The following AP1AR variants were observed in gnomAD, a reference collection of about 807,000 sequenced individuals.
The protein encoded by AP1AR is AP-1 complex-associated regulatory protein.
Under a neutral mutation model 46.3 loss-of-function variants are expected in AP1AR, and 29 were observed. The ratio of observed to expected loss-of-function variants is 0.63; its 90% CI spans 0.47 to 0.85. The LOEUF (loss-of-function observed/expected upper bound fraction) is 0.85, where lower values mean the gene tolerates loss of function less well. Ranked by LOEUF, AP1AR falls within the 40% of genes least tolerant of loss-of-function variation. The probability of loss-of-function intolerance (pLI) is 0.00; values close to 1 mark genes in which losing one functional copy is unlikely to be tolerated. For missense variants in AP1AR, 357 were observed against 356.3 expected, an observed-to-expected ratio of 1.00 and a Z score of -0.02; for synonymous variants, 122 against 122.9, an observed-to-expected ratio of 0.99 and a Z score of 0.05.
intron 1 of AP1AR, among the ~76,000 whole-genome samples, chr4:112,248,205 G>A (rs1279309369): frequency 1.3e-5 from 2 of 152,174 alleles, no homozygotes; most frequent in Admixed American, 6.5e-5. Flanking sequence ...TAACAAATCA[G>A]TGGCATGAAA....
At chr4:112,265,139 C>T (rs983767121) in intron 7 of AP1AR, 72 bp downstream of exon 7, 108 of 1,208,796 alleles carry the variant, frequency 8.9e-5, no homozygotes, top group Non-Finnish European at 1.1e-4. Flanking sequence ...CATCATTCAC[C>T]TCAAGATGTG....
intron 1 of AP1AR, among the ~76,000 whole-genome samples, chr4:112,243,303 T>C (rs1725587135): frequency 6.6e-6 from 1 of 152,236 alleles, no homozygotes; most frequent in South Asian, 2.1e-4. Context: ...TCTTGTACTT[T>C]CACTCTTGAT....
In AP1AR at chr4:112,231,873, C is replaced by T; in HGVS notation, c.-219C>T. 2.5e-6 allele frequency: 1 copy of T among 399,184 alleles called. No individual in the cohort carries two copies. Among genetic ancestry groups the T allele is most frequent in the Non-Finnish European group, 4.4e-6 (1 of 226,994 alleles). 24.7% of individuals were successfully genotyped at this position (399,184 alleles called of 1,614,324 possible). A position where few individuals can be genotyped will look rare whatever the true frequency, so the allele number is the denominator to read the frequency against. ...CCTTGAGCCCGGTGCTCCTCCCTCG[C>T]GCAGCGGTGGCTCTGCGGCCGCTGG... On this transcript the variant is annotated 5_prime_UTR_variant, in exon 1 of 10. Coordinates refer to ENST00000274000, the MANE Select transcript of AP1AR (RefSeq NM_018569.6).
At chr4:112,264,556 C>T (rs1578422001) in intron 6 of AP1AR, among the ~76,000 whole-genome samples, 2 of 152,134 alleles carry the variant, frequency 1.3e-5, no homozygotes, top group South Asian at 4.1e-4. Context: ...TCTTCTAAAT[C>T]TTAGCCAATT....
chr4:112,265,635 G>A, intron 7 of AP1AR, 99 bp from the exon 8 acceptor site: 1 of 780,840 alleles, frequency 1.3e-6, no homozygotes, highest in Non-Finnish European at 2.1e-6. Context: ...GAATTTGTAT[G>A]ACATAGGTCT....
intron 1 of AP1AR, among the ~76,000 whole-genome samples, chr4:112,239,538 T>C (rs530987122): frequency 7.9e-5 from 12 of 152,338 alleles, no homozygotes; most frequent in Admixed American, 7.2e-4. Context: ...CTAGGGGTTG[T>C]CTTTGACACT....
At chr4:112,236,997 A>T (rs1725270497) in intron 1 of AP1AR, among the ~76,000 whole-genome samples, 1 of 152,184 alleles carries the variant, frequency 6.6e-6, no homozygotes, top group Admixed American at 6.5e-5. Flanking sequence ...AAGCAATGTA[A>T]CCTTAACCTG....
At chr4:112,239,411 C>G (rs1245918747) in intron 1 of AP1AR, among the ~76,000 whole-genome samples, 1 of 152,170 alleles carries the variant, frequency 6.6e-6, no homozygotes. Flanking sequence ...TGCTGCTGCT[C>G]TCCTCTGCAT....
chr4:112,247,317 T>C (rs1725765376), intron 1 of AP1AR, among the ~76,000 whole-genome samples: 1 of 152,208 alleles, frequency 6.6e-6, no homozygotes, highest in African/African-American at 2.4e-5. Context: ...AAAAGTACTT[T>C]TACTGATCTG....
intron 1 of AP1AR, 52 bp downstream of exon 1, chr4:112,232,226 C>A: frequency 1.6e-6 from 2 of 1,252,382 alleles, no homozygotes; most frequent in Non-Finnish European, 2.0e-6. Context: ...CTCTTCGGCC[C>A]CCGGCGGGGA....
intron 1 of AP1AR, among the ~76,000 whole-genome samples, chr4:112,242,633 C>T (rs946598517): frequency 6.6e-5 from 10 of 152,082 alleles, no homozygotes; most frequent in African/African-American, 2.4e-4. Flanking sequence ...TTTTTAACAA[C>T]CTGCTTTCAT....
intron 1 of AP1AR, among the ~76,000 whole-genome samples, chr4:112,251,204 G>A (rs1560607110): frequency 6.6e-6 from 1 of 152,180 alleles, no homozygotes; most frequent in Non-Finnish European, 1.5e-5. Flanking sequence ...GTCAAATGAG[G>A]TGTGAGGGAT....
Position 112,269,496 on chromosome 4 carries a change from T to G in AP1AR, c.*1087T>G, listed in dbSNP as rs1726858516. On this transcript the variant is annotated 3_prime_UTR_variant, in exon 10 of 10. Transcript: ENST00000274000. ...CCAGGGATAGAAAACACTCCATAAT[T>G]GCTTTCCTTGATTTTGCTGAGGATT... 6.6e-6 allele frequency: 1 copy of G among 152,514 alleles called. No individual in the cohort carries two copies. Among genetic ancestry groups the G allele is most frequent in the Non-Finnish European group, 1.5e-5 (1 of 67,932 alleles). 9.4% of individuals were successfully genotyped at this position (152,514 alleles called of 1,614,324 possible). A position where few individuals can be genotyped will look rare whatever the true frequency, so the allele number is the denominator to read the frequency against.
At chr4:112,232,936 G>A (rs929183264) in intron 1 of AP1AR, among the ~76,000 whole-genome samples, 1 of 152,158 alleles carries the variant, frequency 6.6e-6, no homozygotes, top group African/African-American at 2.4e-5. Context: ...CCACAGAATA[G>A]TAATTTCATA....
At chr4:112,243,697 A>T (rs1375002932) in intron 1 of AP1AR, among the ~76,000 whole-genome samples, 1 of 152,132 alleles carries the variant, frequency 6.6e-6, no homozygotes, top group African/African-American at 2.4e-5. Context: ...GGGCATTTAG[A>T]TCATTTCCAA....
chr4:112,234,773 C>T (rs1725170996), intron 1 of AP1AR, among the ~76,000 whole-genome samples: 1 of 151,092 alleles, frequency 6.6e-6, no homozygotes, highest in African/African-American at 2.4e-5. Flanking sequence ...TTGATTTGAT[C>T]CTATATGTCT....
At chr4:112,264,396 C>T (rs1726584766) in intron 6 of AP1AR, among the ~76,000 whole-genome samples, 1 of 152,104 alleles carries the variant, frequency 6.6e-6, no homozygotes, top group Non-Finnish European at 1.5e-5. Context: ...CATACACTGA[C>T]ACCCACCAAG....
intron 1 of AP1AR, among the ~76,000 whole-genome samples, chr4:112,241,094 C>A (rs1252605412): frequency 3.3e-5 from 5 of 152,134 alleles, no homozygotes; most frequent in African/African-American, 1.2e-4. Context: ...GTTTTTTAAA[C>A]CCTTGCATTA....
At position 112,232,171 on chromosome 4, in the gene AP1AR, G is replaced by C. The variant is rs952025019; in HGVS notation, c.80G>C (p.Gly27Ala). Residue 27 changes from glycine (G) to alanine (A), a missense_variant, in exon 1 of 10, where the codon GGA becomes GCA. Gly to Ala is a moderately conservative substitution (Grantham distance 60). Transcript: ENST00000274000. ...AGRLQRVGGG[G>A]GSKYFRTCSR... Reference sequence around the variant, plus strand: ...CGGCTGCAGCGAGTAGGCGGCGGCGGAGGGTAAGCCCGCTGGGGGAGGGGC... The same window carrying C: ...CGGCTGCAGCGAGTAGGCGGCGGCGCAGGGTAAGCCCGCTGGGGGAGGGGC... 1.8e-5 allele frequency: 23 copies of C among 1,284,908 alleles called. No homozygotes were observed. In the South Asian group the frequency reaches 2.1e-4, roughly 12 times the overall value. 79.6% of individuals were successfully genotyped at this position (1,284,908 alleles called of 1,614,324 possible). A position where few individuals can be genotyped will look rare whatever the true frequency, so the allele number is the denominator to read the frequency against.
Sources: allele counts gnomAD v4.1 joint callset (sites outside exome capture counted in the v4.1 genomes callset), GRCh38; gene constraint gnomAD v4.1.1; transcripts MANE v1.5; gene names NCBI Gene and HGNC (gene_info 2026-07-23, HGNC 2026-07-21).